ZRANB3: variants seen among roughly 807,000 people sequenced by gnomAD.
The protein encoded by ZRANB3 is DNA annealing helicase and endonuclease ZRANB3.
ZRANB3 carries 125 observed loss-of-function variants against 133.8 expected under a neutral mutation model. That is an observed-to-expected ratio of 0.93 (90% confidence interval 0.81 to 1.08). The LOEUF (loss-of-function observed/expected upper bound fraction) is 1.08, where lower values mean the gene tolerates loss of function less well. Ranked by LOEUF, ZRANB3 falls within the 50% of genes least tolerant of loss-of-function variation. The pLI is 0.00. For missense variants in ZRANB3, 1,229 were observed against 1,275.5 expected (o/e 0.96, Z 0.56); for synonymous variants, 387 against 432.7 (o/e 0.89, Z 1.31).
Position 135,207,753 on chromosome 2 carries a change from G to C in ZRANB3, c.2690C>G (p.Ser897Cys). ...QADLTVKPSTSKGYLQAVDNE... is the reference protein window; with the variant it reads ...QADLTVKPSTCKGYLQAVDNE... ...ATCCACAGCTTGCAAATAGCCTTTGGATGTAGAGGGCTTCACAGTGAGATC... is the reference window on the plus strand; with the variant it reads ...ATCCACAGCTTGCAAATAGCCTTTGCATGTAGAGGGCTTCACAGTGAGATC... Residue 897 changes from serine to cysteine, a missense_variant, in exon 19 of 21, where the codon TCC becomes TGC. Ser to Cys is a moderately radical substitution (Grantham distance 112). Coordinates refer to ENST00000264159, the MANE Select transcript of ZRANB3 (RefSeq NM_032143.4). 6.2e-7 allele frequency: 1 copy of C among 1,614,034 alleles called. No individual in the cohort carries two copies. The highest frequency in any genetic ancestry group is 1.1e-5 in the South Asian group (1 of 91,080).
intron 2 of ZRANB3, among the ~76,000 whole-genome samples, chr2:135,400,432 G>A (rs1383205493): frequency 3.3e-5 from 5 of 151,390 alleles, no homozygotes; most frequent in East Asian, 1.9e-4. Flanking sequence ...TGCAACCTCC[G>A]CCTCCTGGGT....
chr2:135,368,359 A>C (rs1686027945), intron 3 of ZRANB3, among the ~76,000 whole-genome samples: 1 of 152,190 alleles, frequency 6.6e-6, no homozygotes, highest in East Asian at 1.9e-4. Context: ...AATGAAAGTT[A>C]GTTTTTAGGA....
At chr2:135,446,953 C>T (rs1690049241) in intron 2 of ZRANB3, among the ~76,000 whole-genome samples, 2 of 152,034 alleles carry the variant, frequency 1.3e-5, no homozygotes, top group South Asian at 4.1e-4. Flanking sequence ...TATCTCTTAG[C>T]TATGTGTTTA....
intron 6 of ZRANB3, 51 bp downstream of exon 6, chr2:135,345,499 G>T: frequency 1.6e-6 from 2 of 1,253,836 alleles, no homozygotes; most frequent in Non-Finnish European, 2.3e-6. Flanking sequence ...ATAAAGCAAT[G>T]TTCACAGTAA....
Position 135,198,878 on chromosome 2 carries a change from C to T in ZRANB3, c.*1464G>A, listed in dbSNP as rs1335053929. On this transcript the variant is annotated 3_prime_UTR_variant, in exon 21 of 21. Transcript: ENST00000264159. ...TTTGATTGTATAATCTTTCTAAAAACAAGTCCTTTATGTTGTAAAACACTA... is the reference window on the plus strand; with the variant it reads ...TTTGATTGTATAATCTTTCTAAAAATAAGTCCTTTATGTTGTAAAACACTA... 1 of 152,178 alleles carries T rather than the reference C, an allele frequency of 6.6e-6. No individual in the cohort carries two copies. The highest frequency in any genetic ancestry group is 1.5e-5 in the Non-Finnish European group (1 of 68,020). 9.4% of individuals were successfully genotyped at this position (152,178 alleles called of 1,614,324 possible).
intron 8 of ZRANB3, among the ~76,000 whole-genome samples, chr2:135,300,977 G>T (rs1256192260): frequency 1.3e-5 from 2 of 151,900 alleles, no homozygotes; most frequent in Non-Finnish European, 1.5e-5. Context: ...AGCTCTCATT[G>T]ACCTCCAGCC....
chr2:135,387,766 G>A (rs1265091686), intron 3 of ZRANB3, among the ~76,000 whole-genome samples: 1 of 152,070 alleles, frequency 6.6e-6, no homozygotes, highest in Non-Finnish European at 1.5e-5. Context: ...AATATTAAAC[G>A]GATTTTGCAA....
At chr2:135,428,764 C>T (rs2104978959) in intron 2 of ZRANB3, among the ~76,000 whole-genome samples, 1 of 152,206 alleles carries the variant, frequency 6.6e-6, no homozygotes, top group South Asian at 2.1e-4. Flanking sequence ...ATACATAAGG[C>T]CAATAAGCAT....
chr2:135,527,914 C>T (rs1043060321), intron 1 of ZRANB3, among the ~76,000 whole-genome samples: 1 of 152,162 alleles, frequency 6.6e-6, no homozygotes, highest in African/African-American at 2.4e-5. Context: ...CTAAGTATTA[C>T]GTACATGGCA....
chr2:135,421,175 CAAAG>C (rs1688828217), intron 2 of ZRANB3, among the ~76,000 whole-genome samples: 1 of 152,072 alleles, frequency 6.6e-6, no homozygotes, highest in South Asian at 2.1e-4. Context: ...GAATTTGAAA[CAAAG>C]AATATAATTT....
intron 12 of ZRANB3, among the ~76,000 whole-genome samples, chr2:135,237,117 A>T (rs1695324269): frequency 1.3e-5 from 2 of 152,238 alleles, no homozygotes; most frequent in African/African-American, 2.4e-5. Flanking sequence ...AACCCCATCG[A>T]CAAGTGGGCG....
At chr2:135,326,696 T>C (rs1683847702) in intron 6 of ZRANB3, among the ~76,000 whole-genome samples, 1 of 151,744 alleles carries the variant, frequency 6.6e-6, no homozygotes, top group Non-Finnish European at 1.5e-5. Context: ...GGTCAGGAGA[T>C]TGGGACCATC....
chr2:135,204,738 T>C (rs1179190953), intron 19 of ZRANB3, among the ~76,000 whole-genome samples: 3 of 146,014 alleles, frequency 2.1e-5, no homozygotes. Flanking sequence ...ATTATAAATA[T>C]ATATTTATAT....
At chr2:135,237,805 G>C (rs532600815) in intron 12 of ZRANB3, among the ~76,000 whole-genome samples, 18 of 152,068 alleles carry the variant, frequency 1.2e-4, no homozygotes, top group South Asian at 6.3e-4. Context: ...GTGGGGGAAG[G>C]GGGGAGGGAT....
intron 2 of ZRANB3, among the ~76,000 whole-genome samples, chr2:135,466,084 T>G (rs561401900): frequency 1.3e-5 from 2 of 152,124 alleles, no homozygotes; most frequent in African/African-American, 4.8e-5. Context: ...AAAAACACAA[T>G]ATATGAAGAA....
In ZRANB3 at chr2:135,433,071, GGCTGAAACTCTGGCAGGTCTAGGTAAAC is replaced by G. The variant is rs141303719; in HGVS notation, c.162-42279_162-42252del. Among the ~76,000 whole-genome samples the G allele has an allele frequency of 7.8e-3, 1,187 of 152,194 alleles. 12 individuals carry two copies. Among genetic ancestry groups the G allele is most frequent in the African/African-American group, 0.027 (1,109 of 41,518 alleles). ...TGAGTGGCCTAACCTATGTATGCTG[GGCTGAAACTCTGGCAGGTCTAGGTAAAC>G]TGAGGCAGGTAACAGGGTATTATAT... On this transcript the variant is annotated intron_variant, in intron 2 of 20. Coordinates refer to ENST00000264159, the MANE Select transcript of ZRANB3 (RefSeq NM_032143.4).
intron 12 of ZRANB3, among the ~76,000 whole-genome samples, chr2:135,239,409 T>TA (rs1459438501): frequency 9.7e-5 from 3 of 31,016 alleles, no homozygotes; most frequent in East Asian, 1.2e-3. Context: ...TACCACAGTA[T>TA]AAAAAATCAA....
At chr2:135,325,483 G>A (rs926668309) in intron 6 of ZRANB3, among the ~76,000 whole-genome samples, 5 of 151,882 alleles carry the variant, frequency 3.3e-5, no homozygotes, top group African/African-American at 9.7e-5. Context: ...TGCAAGCTCC[G>A]CCTCCCAGGT....
At chr2:135,267,148 G>A (rs1341825339) in intron 11 of ZRANB3, among the ~76,000 whole-genome samples, 1 of 152,082 alleles carries the variant, frequency 6.6e-6, no homozygotes, top group East Asian at 1.9e-4. Flanking sequence ...GTTTTCTTTT[G>A]CTTATAACAG....
Sources: allele counts gnomAD v4.1 joint callset (sites outside exome capture counted in the v4.1 genomes callset), GRCh38; gene constraint gnomAD v4.1.1; transcripts MANE v1.5; gene names NCBI Gene and HGNC (gene_info 2026-07-23, HGNC 2026-07-21).